The following CCBE1 variants were observed in gnomAD, a reference collection of about 807,000 sequenced individuals.
CCBE1 encodes the protein collagen and calcium-binding EGF domain-containing protein 1.
CCBE1 carries 37 observed loss-of-function variants against 50.0 expected under a neutral mutation model. The ratio of observed to expected loss-of-function variants is 0.74; its 90% CI spans 0.57 to 0.97. CCBE1 has a LOEUF of 0.97. Among genes scored for constraint, CCBE1 ranks in the 50% least tolerant of loss-of-function variants. The probability of loss-of-function intolerance (pLI) is 0.00; values close to 1 mark genes in which losing one functional copy is unlikely to be tolerated. For missense variants in CCBE1, 538 were observed against 523.8 expected (o/e 1.03, Z -0.26); for synonymous variants, 234 against 203.7 (o/e 1.15, Z -1.27).
chr18:59,448,302 C>T (rs1396953725), intron 6 of CCBE1, among the ~76,000 whole-genome samples, 199 bp from the exon 7 acceptor site: 1 of 152,116 alleles, frequency 6.6e-6, no homozygotes, highest in Admixed American at 6.5e-5. Context: ...ACTTGTATGA[C>T]ATTACTCAGC....
intron 2 of CCBE1, among the ~76,000 whole-genome samples, chr18:59,674,583 T>C (rs1374170962): frequency 6.6e-6 from 1 of 152,168 alleles, no homozygotes; most frequent in African/African-American, 2.4e-5. Context: ...CAAACCTGCA[T>C]GTCCCGCACA....
intron 2 of CCBE1, chr18:59,568,710 C>G (rs1186856268): frequency 6.6e-6 from 1 of 152,218 alleles, no homozygotes. Flanking sequence ...GCATGTGTTT[C>G]CTTCCCCAAC....
At chr18:59,447,874 T>G in intron 7 of CCBE1, 109 bp downstream of exon 7, 7 of 1,551,236 alleles carry the variant, frequency 4.5e-6, no homozygotes, top group Non-Finnish European at 6.2e-6. Flanking sequence ...ACCTGCCTTG[T>G]TTCTCCTCGA....
At chr18:59,450,830 C>T (rs779127408) in intron 6 of CCBE1, among the ~76,000 whole-genome samples, 20 of 152,230 alleles carry the variant, frequency 1.3e-4, no homozygotes, top group African/African-American at 2.7e-4. Flanking sequence ...CCACTGCGCC[C>T]GGCCTACAGT....
At chr18:59,439,008 C>T (rs749273399) in intron 9 of CCBE1, among the ~76,000 whole-genome samples, 19 of 152,108 alleles carry the variant, frequency 1.2e-4, no homozygotes, top group African/African-American at 4.3e-4. Flanking sequence ...AAAATTAGGC[C>T]GGGTGTGGTG....
At chr18:59,493,680 A>T (rs1913217395) in intron 2 of CCBE1, among the ~76,000 whole-genome samples, 1 of 152,080 alleles carries the variant, frequency 6.6e-6, no homozygotes, top group South Asian at 2.1e-4. Context: ...GTTACAGGAG[A>T]CACAGATTAG....
intron 2 of CCBE1, among the ~76,000 whole-genome samples, chr18:59,482,450 T>C (rs1226248687): frequency 6.6e-6 from 1 of 152,208 alleles, no homozygotes; most frequent in Non-Finnish European, 1.5e-5. Flanking sequence ...ACTGTGTATA[T>C]ACCCTAAGGA....
intron 2 of CCBE1, chr18:59,688,119 C>A (rs2054681882): frequency 6.6e-6 from 1 of 152,088 alleles, no homozygotes; most frequent in African/African-American, 2.4e-5. Flanking sequence ...GGTATTCCTC[C>A]AAATATATGC....
intron 2 of CCBE1, among the ~76,000 whole-genome samples, chr18:59,675,429 T>C (rs1468029841): frequency 1.3e-5 from 2 of 152,168 alleles, no homozygotes; most frequent in African/African-American, 4.8e-5. Context: ...CTACAGCAAC[T>C]TTACATCTCT....
chr18:59,447,769 T>C (rs1910744632), intron 7 of CCBE1, among the ~76,000 whole-genome samples: 1 of 152,226 alleles, frequency 6.6e-6, no homozygotes, highest in South Asian at 2.1e-4. Flanking sequence ...ATGAGCTTTT[T>C]CTCCCACATT....
At chr18:59,542,516 CAGA>C (rs1568196249) in intron 2 of CCBE1, among the ~76,000 whole-genome samples, 1 of 152,110 alleles carries the variant, frequency 6.6e-6, no homozygotes, top group Non-Finnish European at 1.5e-5. Context: ...TGTAATAGAT[CAGA>C]AGAAGTGATA....
At chr18:59,502,311 C>T (rs1913659094) in intron 2 of CCBE1, among the ~76,000 whole-genome samples, 1 of 152,226 alleles carries the variant, frequency 6.6e-6, no homozygotes, top group African/African-American at 2.4e-5. Flanking sequence ...GAAACCTAAA[C>T]AATCCCTGGT....
intron 2 of CCBE1, among the ~76,000 whole-genome samples, chr18:59,620,871 C>G (rs1212885449): frequency 1.3e-5 from 2 of 152,172 alleles, no homozygotes; most frequent in Non-Finnish European, 2.9e-5. Flanking sequence ...TGGACTAATA[C>G]AGGTGCCAAA....
At chr18:59,490,200 G>C (rs1033299399) in intron 2 of CCBE1, among the ~76,000 whole-genome samples, 1 of 151,926 alleles carries the variant, frequency 6.6e-6, no homozygotes, top group South Asian at 2.1e-4. Flanking sequence ...GGGCAGGCTC[G>C]TCTCGAACTG....
At chr18:59,598,779 C>T (rs369504902) in intron 2 of CCBE1, among the ~76,000 whole-genome samples, 2 of 152,176 alleles carry the variant, frequency 1.3e-5, no homozygotes, top group African/African-American at 2.4e-5. Flanking sequence ...AGCTGGAGAT[C>T]GGGCTCAATT....
chr18:59,507,237 T>C (rs1313462455), intron 2 of CCBE1, among the ~76,000 whole-genome samples: 1 of 152,164 alleles, frequency 6.6e-6, no homozygotes, highest in African/African-American at 2.4e-5. Flanking sequence ...AGCCCTCCAT[T>C]TCATTCACTC....
chr18:59,618,001 T>G (rs1469087195), intron 2 of CCBE1, among the ~76,000 whole-genome samples: 2 of 152,206 alleles, frequency 1.3e-5, no homozygotes, highest in Non-Finnish European at 2.9e-5. Flanking sequence ...AGATGTGGAA[T>G]CCATTTACCC....
intron 2 of CCBE1, among the ~76,000 whole-genome samples, chr18:59,653,297 C>CT (rs1338477333): frequency 6.6e-6 from 1 of 152,210 alleles, no homozygotes. Flanking sequence ...TTGAACATGG[C>CT]TGAAGGTCCT....
At chr18:59,633,241 A>T (rs911055721) in intron 2 of CCBE1, among the ~76,000 whole-genome samples, 1 of 152,224 alleles carries the variant, frequency 6.6e-6, no homozygotes, top group Non-Finnish European at 1.5e-5. Context: ...TTTAATTAAC[A>T]AGAAAGACTA....
Sources: gnomAD v4.1 joint callset for allele counts (sites outside exome capture counted in the v4.1 genomes callset) on GRCh38, gnomAD v4.1.1 for gene constraint, MANE v1.5 for transcripts, NCBI Gene and HGNC (gene_info 2026-07-23, HGNC 2026-07-21) for gene names.